Variants in KDM4C observed in about 807,000 individuals in gnomAD.
KDM4C encodes lysine-specific demethylase 4C.
KDM4C carries 81 observed loss-of-function variants against 129.3 expected under a neutral mutation model. That is an observed-to-expected ratio of 0.63 (90% CI 0.52 to 0.75). KDM4C has a LOEUF of 0.75. Ranked by LOEUF, KDM4C falls within the 30% of genes least tolerant of loss-of-function variation. KDM4C has a pLI of 0.00. For synonymous variants in KDM4C, 573 were observed against 456.1 expected (o/e 1.26, Z -3.26); for missense variants, 1,457 against 1,304.0 (o/e 1.12, Z -1.81).
intron 8 of KDM4C, among the ~76,000 whole-genome samples, chr9:6,974,496 TA>T (rs1463771334): frequency 6.6e-6 from 1 of 152,200 alleles, no homozygotes; most frequent in Non-Finnish European, 1.5e-5. Context: ...TAGCTGAGAT[TA>T]CAGGCATGTG....
intron 18 of KDM4C, among the ~76,000 whole-genome samples, chr9:7,122,639 A>G (rs1839627965): frequency 6.6e-6 from 1 of 152,206 alleles, no homozygotes; most frequent in South Asian, 2.1e-4. Context: ...ATATGCTGGA[A>G]ACTAGATGTG....
At chr9:6,879,761 C>A (rs775773737) in intron 5 of KDM4C, among the ~76,000 whole-genome samples, 6 of 152,070 alleles carry the variant, frequency 3.9e-5, no homozygotes, top group Middle Eastern at 3.2e-3. Context: ...GGCCTTTGTT[C>A]CCTAATTTGT....
At chr9:7,015,703 A>C (rs1251529507) in intron 14 of KDM4C, 150 bp from the exon 15 acceptor site, 1 of 442,496 alleles carries the variant, frequency 2.3e-6, no homozygotes, top group Non-Finnish European at 4.1e-6. Context: ...TAAGACTCAC[A>C]TTCACCTTGC....
chr9:6,992,905 A>C (rs1819013887), intron 12 of KDM4C, among the ~76,000 whole-genome samples: 1 of 152,186 alleles, frequency 6.6e-6, no homozygotes, highest in Non-Finnish European at 1.5e-5. Context: ...TCCCTAACAG[A>C]AAGGCTGCAC....
chr9:7,079,127 T>A (rs2132914533), intron 17 of KDM4C, among the ~76,000 whole-genome samples: 1 of 152,292 alleles, frequency 6.6e-6, no homozygotes, highest in South Asian at 2.1e-4. Flanking sequence ...AAATTCAAGT[T>A]CCTGTATGTC....
intron 1 of KDM4C, among the ~76,000 whole-genome samples, chr9:6,773,733 G>A (rs1264439021): frequency 6.6e-6 from 1 of 150,906 alleles, no homozygotes. Context: ...ATCGCACCAT[G>A]GCACCCTAGC....
rs1826986530 is a variant in KDM4C, at chr9:6,792,985, C to T, written c.-4C>T. 6.2e-7 allele frequency: 1 copy of T among 1,614,010 alleles called. No individual in the cohort carries two copies. The highest frequency in any genetic ancestry group is 8.5e-7 in the Non-Finnish European group (1 of 1,180,020). The stretch of plus-strand genomic sequence containing the variant: ...TCTTCTCTCCAGACACTGCCCTAAC[C>T]ATCATGGAGGTGGCCGAGGTGGAAA... On this transcript the variant is annotated 5_prime_UTR_variant, in exon 2 of 22. Coordinates refer to ENST00000381309, the MANE Select transcript of KDM4C (RefSeq NM_015061.6).
At chr9:6,739,130 T>C (rs1311018547) in intron 1 of KDM4C, among the ~76,000 whole-genome samples, 1 of 152,166 alleles carries the variant, frequency 6.6e-6, no homozygotes, top group African/African-American at 2.4e-5. Flanking sequence ...TGGAGTGCAG[T>C]GGTGAAATCT....
intron 19 of KDM4C, among the ~76,000 whole-genome samples, chr9:7,149,436 GGCAGCT>G (rs1198360527): frequency 6.6e-6 from 1 of 152,226 alleles, no homozygotes; most frequent in Non-Finnish European, 1.5e-5. Flanking sequence ...GCCACGGCTG[GGCAGCT>G]GCAGCTGCAC....
At chr9:6,864,557 G>A (rs1168341321) in intron 5 of KDM4C, among the ~76,000 whole-genome samples, 1 of 145,886 alleles carries the variant, frequency 6.9e-6, no homozygotes, top group Non-Finnish European at 1.5e-5. Context: ...AGTAACCTCT[G>A]CCTCCCAGTT....
chr9:7,101,393 G>A (rs16925350), intron 17 of KDM4C, among the ~76,000 whole-genome samples: 19,657 of 152,142 alleles, frequency 0.13, 1,500 homozygotes, highest in South Asian at 0.29. Flanking sequence ...GAAATACTGC[G>A]TTAACTGTCT....
At chr9:6,943,504 T>A (rs1457314319) in intron 8 of KDM4C, among the ~76,000 whole-genome samples, 3 of 151,028 alleles carry the variant, frequency 2.0e-5, no homozygotes, top group African/African-American at 7.3e-5. Context: ...AGCCCAGGAG[T>A]TCTAGATCAG....
At chr9:6,931,216 G>A (rs58378352) in intron 8 of KDM4C, among the ~76,000 whole-genome samples, 38,428 of 151,546 alleles carry the variant, frequency 0.25, 5,374 homozygotes, top group South Asian at 0.39. Flanking sequence ...TCTATCTGGA[G>A]CCCCCCAGTG....
intron 8 of KDM4C, among the ~76,000 whole-genome samples, chr9:6,900,335 G>A (rs754385154): frequency 6.6e-5 from 10 of 152,186 alleles, no homozygotes; most frequent in East Asian, 3.8e-4. Context: ...TTAAATAAGC[G>A]CCAGCCACGT....
chr9:6,724,948 G>C (rs1346304427), intron 1 of KDM4C, among the ~76,000 whole-genome samples: 2 of 152,146 alleles, frequency 1.3e-5, no homozygotes, highest in Non-Finnish European at 2.9e-5. Flanking sequence ...CTGAAATCAA[G>C]GTGTTGGCAG....
intron 1 of KDM4C, among the ~76,000 whole-genome samples, chr9:6,779,032 C>CT (rs60503128): frequency 0.25 from 23,584 of 94,536 alleles, 3,981 homozygotes; most frequent in Non-Finnish European, 0.32. Context: ...TGATTAAAGT[C>CT]TTTTTTTTTT....
Position 6,950,236 on chromosome 9 carries a change from A to G in KDM4C, c.922-30689A>G, listed in dbSNP as rs563695710. ...TCTTGAACCTTAAATTCTCCTTTCC[A>G]GAGGTTTTATTGATGTGAACTATTC... On this transcript the variant is annotated intron_variant, in intron 8 of 21. Coordinates refer to ENST00000381309, the MANE Select transcript of KDM4C (RefSeq NM_015061.6). Among the ~76,000 whole-genome samples, 5 of 152,246 alleles carry G rather than the reference A, an allele frequency of 3.3e-5. No individual in the cohort carries two copies. The South Asian group carries it at 8.3e-4, about 25-fold the overall frequency.
rs758119089 is a variant in KDM4C at position 7,174,613 on chromosome 9, G to A, written c.3055G>A (p.Glu1019Lys). Residue 1019 changes from glutamate to lysine, a missense_variant, in exon 22 of 22, where the codon GAG becomes AAG. By Grantham distance (56) the Glu-to-Lys change is moderately conservative. Transcript: ENST00000381309. Reference protein sequence around the residue: ...TFYGADIIQGERKRQRVLSSR... With the variant: ...TFYGADIIQGKRKRQRVLSSR... ...TTATGGAGCAGACATTATCCAAGGGGAGAGAAAGAGACAAAGAGTGCTGAG... is the reference window on the plus strand; with the variant it reads ...TTATGGAGCAGACATTATCCAAGGGAAGAGAAAGAGACAAAGAGTGCTGAG... 2 of 1,614,190 alleles carry A rather than the reference G, an allele frequency of 1.2e-6. No homozygotes were observed.
chr9:7,006,622 T>G (rs1403502003), intron 12 of KDM4C, among the ~76,000 whole-genome samples: 1 of 152,048 alleles, frequency 6.6e-6, no homozygotes, highest in Non-Finnish European at 1.5e-5. Flanking sequence ...CTATAGGTAA[T>G]TGTACAAGCA....
Sources: gnomAD v4.1 joint callset for allele counts (sites outside exome capture counted in the v4.1 genomes callset) on GRCh38, gnomAD v4.1.1 for gene constraint, MANE v1.5 for transcripts, NCBI Gene and HGNC (gene_info 2026-07-23, HGNC 2026-07-21) for gene names.